Variants in MAU2 observed in about 807,000 individuals in gnomAD.
MAU2 encodes the protein MAU2 chromatid cohesion factor homolog.
MAU2 carries 9 observed loss-of-function variants against 89.1 expected under a neutral mutation model. The observed-to-expected ratio is 0.10, with a 90% CI of 0.06 to 0.18. The LOEUF (loss-of-function observed/expected upper bound fraction) is 0.18. Among genes scored for constraint, MAU2 ranks in the 10% least tolerant of loss-of-function variants. MAU2 has a pLI of 1.00. For missense variants in MAU2, 425 were observed against 803.5 expected (o/e 0.53, Z 5.69); for synonymous variants, 357 against 343.4 (o/e 1.04, Z -0.44).
intron 7 of MAU2, 138 bp downstream of exon 7, chr19:19,341,545 C>T (rs965818705): frequency 2.4e-5 from 25 of 1,037,606 alleles, no homozygotes; most frequent in African/African-American, 2.1e-4. Context: ...ATACCAGTCC[C>T]GGACACACAC....
chr19:19,340,675 A>C (rs1599910021), intron 5 of MAU2, among the ~76,000 whole-genome samples, 171 bp from the exon 6 acceptor site: 1 of 152,284 alleles, frequency 6.6e-6, no homozygotes, highest in Non-Finnish European at 1.5e-5. Context: ...AAAAATAAAC[A>C]CAGACACAAT....
intron 1 of MAU2, among the ~76,000 whole-genome samples, chr19:19,330,517 C>CA (rs1195743547): frequency 1.3e-5 from 2 of 151,990 alleles, no homozygotes; most frequent in Non-Finnish European, 2.9e-5. Flanking sequence ...AAGGCGGGTG[C>CA]ATCACCTGAG....
At chr19:19,339,478 G>T (rs1374185997) in intron 5 of MAU2, among the ~76,000 whole-genome samples, 1 of 151,342 alleles carries the variant, frequency 6.6e-6, no homozygotes, top group Non-Finnish European at 1.5e-5. Flanking sequence ...ATGAGGCGCG[G>T]GTTTGAGCCT....
At chr19:19,325,684 A>G (rs1049513389) in intron 1 of MAU2, among the ~76,000 whole-genome samples, 2 of 151,268 alleles carry the variant, frequency 1.3e-5, no homozygotes, top group East Asian at 3.9e-4. Flanking sequence ...TCATCATGTT[A>G]GTCAAGCTGG....
At chr19:19,325,990 C>T (rs561697590) in intron 1 of MAU2, among the ~76,000 whole-genome samples, 1 of 149,370 alleles carries the variant, frequency 6.7e-6, no homozygotes, top group South Asian at 2.1e-4. Context: ...TAATGGTCTC[C>T]TCAACTGCAT....
intron 7 of MAU2, among the ~76,000 whole-genome samples, chr19:19,341,804 G>T (rs1033466626): frequency 4.6e-5 from 7 of 152,222 alleles, no homozygotes; most frequent in Non-Finnish European, 1.0e-4. Flanking sequence ...AGTAGGGACT[G>T]ATGTGCTCAG....
chr19:19,354,294 G>A (rs1295597413), intron 16 of MAU2, 61 bp from the exon 17 acceptor site: 1 of 1,362,102 alleles, frequency 7.3e-7, no homozygotes, highest in Admixed American at 1.7e-5. Context: ...CCCCAACCTG[G>A]GCTGGGTTCG....
At chr19:19,350,237 A>G (rs1009296125) in intron 16 of MAU2, among the ~76,000 whole-genome samples, 6 of 142,008 alleles carry the variant, frequency 4.2e-5, no homozygotes, top group African/African-American at 1.6e-4. Context: ...CAGAGGTTGC[A>G]TTGAACGGAG....
chr19:19,348,564 G>C (rs2061714312), intron 13 of MAU2: 27 of 511,082 alleles, frequency 5.3e-5, no homozygotes, highest in South Asian at 1.4e-4. Context: ...CAGCCCACAG[G>C]GCTCACGGGC....
intron 3 of MAU2, 22 bp from the exon 4 acceptor site, chr19:19,337,148 A>G: frequency 6.5e-7 from 1 of 1,549,172 alleles, no homozygotes; most frequent in Non-Finnish European, 8.9e-7. Flanking sequence ...TTACATTCCC[A>G]AACGTGACTA....
chr19:19,324,728 T>A (rs1265334050), intron 1 of MAU2, among the ~76,000 whole-genome samples: 1 of 152,244 alleles, frequency 6.6e-6, no homozygotes, highest in Non-Finnish European at 1.5e-5. Context: ...CTGAGCCACA[T>A]GGTGCCCTCT....
intron 1 of MAU2, among the ~76,000 whole-genome samples, chr19:19,329,904 C>G (rs937426548): frequency 3.3e-5 from 5 of 152,008 alleles, no homozygotes; most frequent in Non-Finnish European, 7.4e-5. Flanking sequence ...TACAGTGAGC[C>G]ATGATTGCAC....
At chr19:19,353,363 G>A (rs2061760235) in intron 16 of MAU2, 1 of 152,204 alleles carries the variant, frequency 6.6e-6, no homozygotes, top group African/African-American at 2.4e-5. Flanking sequence ...GAAGAGAGCA[G>A]TTTTTCTTGC....
chr19:19,355,628 C>A, intron 18 of MAU2, 80 bp from the exon 19 acceptor site: 1 of 1,343,360 alleles, frequency 7.4e-7, no homozygotes, highest in Non-Finnish European at 1.0e-6. Context: ...GTGAGCAGCC[C>A]AAGGAAGGCA....
At chr19:19,337,744 G>A (rs1362781234) in intron 4 of MAU2, among the ~76,000 whole-genome samples, 1 of 152,168 alleles carries the variant, frequency 6.6e-6, no homozygotes, top group African/African-American at 2.4e-5. Context: ...CCCACATGGG[G>A]CCCCTCACGT....
chr19:19,332,338 T>C (rs1450959717), intron 1 of MAU2, among the ~76,000 whole-genome samples: 2 of 150,098 alleles, frequency 1.3e-5, no homozygotes, highest in East Asian at 3.9e-4. Flanking sequence ...TTTTTTTTTT[T>C]TTTTTTTTTT....
chr19:19,355,581 C>T (rs1475739965), intron 18 of MAU2, 127 bp from the exon 19 acceptor site: 6 of 1,183,758 alleles, frequency 5.1e-6, no homozygotes, highest in Non-Finnish European at 7.1e-6. Context: ...CCTCGGGGCC[C>T]ATTGGACTGG....
At chr19:19,342,498 A>G in intron 7 of MAU2, 37 bp from the exon 8 acceptor site, 3 of 1,518,104 alleles carry the variant, frequency 2.0e-6, no homozygotes, top group Non-Finnish European at 1.8e-6. Flanking sequence ...CTGAGAGGCC[A>G]GGCTCAGGTG....
At chr19:19,349,902 G>A (rs895619202) in intron 16 of MAU2, among the ~76,000 whole-genome samples, 1 of 151,998 alleles carries the variant, frequency 6.6e-6, no homozygotes, top group Non-Finnish European at 1.5e-5. Flanking sequence ...CCAGTCTCTG[G>A]TGGGACTGGC....
Sources: gnomAD v4.1 joint callset for allele counts (sites outside exome capture counted in the v4.1 genomes callset) on GRCh38, gnomAD v4.1.1 for gene constraint, MANE v1.5 for transcripts, NCBI Gene and HGNC (gene_info 2026-07-23, HGNC 2026-07-21) for gene names.